The following FAF1 variants were observed in gnomAD, a reference collection of about 807,000 sequenced individuals.
FAF1 encodes the protein Fas associated factor 1.
FAF1 carries 25 observed loss-of-function variants against 92.5 expected under a neutral mutation model. The ratio of observed to expected loss-of-function variants is 0.27; its 90% CI spans 0.20 to 0.38. The LOEUF is 0.38. Among genes scored for constraint, FAF1 ranks in the 10% least tolerant of loss-of-function variants. The pLI is 1.00. For missense variants in FAF1, 636 were observed against 793.3 expected, an observed-to-expected ratio of 0.80 and a Z score of 2.38; for synonymous variants, 234 against 273.2, an observed-to-expected ratio of 0.86 and a Z score of 1.42.
chr1:50,480,513 G>A (rs1646688211), intron 17 of FAF1, among the ~76,000 whole-genome samples: 1 of 152,156 alleles, frequency 6.6e-6, no homozygotes, highest in Admixed American at 6.5e-5. Context: ...TCTTCTATGA[G>A]TCAGGCATTG....
chr1:50,677,887 C>G (rs1656199164), intron 7 of FAF1, among the ~76,000 whole-genome samples: 1 of 136,218 alleles, frequency 7.3e-6, no homozygotes, highest in Non-Finnish European at 1.5e-5. Context: ...AAGAACAAAA[C>G]TCTGCCTCAA....
At chr1:50,558,632 T>C (rs746542694) in intron 13 of FAF1, among the ~76,000 whole-genome samples, 17 of 152,240 alleles carry the variant, frequency 1.1e-4, no homozygotes, top group Non-Finnish European at 1.8e-4. Flanking sequence ...TAGAATGTGA[T>C]AGAAACTTAA....
At chr1:50,680,275 A>G in intron 7 of FAF1, among the ~76,000 whole-genome samples, 1 of 152,210 alleles carries the variant, frequency 6.6e-6, no homozygotes, top group South Asian at 2.1e-4. Context: ...GCTATACCTT[A>G]AATAAGGTAC....
chr1:50,683,605 T>C (rs1233045704), intron 7 of FAF1, among the ~76,000 whole-genome samples: 9 of 151,850 alleles, frequency 5.9e-5, no homozygotes, highest in Non-Finnish European at 5.9e-5. Flanking sequence ...GGAACCTTAA[T>C]AGAAAATACA....
At chr1:50,884,654 T>C (rs1297712895) in intron 1 of FAF1, among the ~76,000 whole-genome samples, 1 of 152,194 alleles carries the variant, frequency 6.6e-6, no homozygotes. Context: ...TGTTGAATTT[T>C]GTTTGCTAGT....
In FAF1 at chr1:50,662,852, T is replaced by C. The variant is rs916147179; in HGVS notation, c.658-7324A>G. ...AGTAGCTGGGACTGCAGGCACCCACTAGCGCGCCCGGCTAATTTTTTGTAT... is the reference window on the plus strand; with the variant it reads ...AGTAGCTGGGACTGCAGGCACCCACCAGCGCGCCCGGCTAATTTTTTGTAT... On this transcript the variant is annotated intron_variant, in intron 7 of 18. Transcript: ENST00000396153. 1.1e-4 allele frequency among the ~76,000 whole-genome samples: 16 copies of C among 148,514 alleles called. 1 individual carries two copies. In the South Asian group the frequency reaches 1.5e-3, roughly 14 times the overall value.
intron 1 of FAF1, among the ~76,000 whole-genome samples, chr1:50,934,623 C>T (rs1645072613): frequency 6.6e-6 from 1 of 152,120 alleles, no homozygotes; most frequent in African/African-American, 2.4e-5. Flanking sequence ...ACACAAGAGG[C>T]TGAGACAGAA....
intron 15 of FAF1, among the ~76,000 whole-genome samples, chr1:50,516,090 G>A (rs1647216010): frequency 6.6e-6 from 1 of 152,114 alleles, no homozygotes; most frequent in African/African-American, 2.4e-5. Context: ...AAGTACGTGA[G>A]GCACAGAAAG....
At chr1:50,943,552 G>A (rs1645150652) in intron 1 of FAF1, among the ~76,000 whole-genome samples, 1 of 152,182 alleles carries the variant, frequency 6.6e-6, no homozygotes, top group Non-Finnish European at 1.5e-5. Context: ...GGGCCAAGGT[G>A]TTGTCATTGG....
intron 4 of FAF1, among the ~76,000 whole-genome samples, chr1:50,764,091 T>C (rs1297369239): frequency 6.6e-6 from 1 of 152,214 alleles, no homozygotes; most frequent in African/African-American, 2.4e-5. Context: ...CCTAAGAGAA[T>C]ACCACTTTCT....
At chr1:50,949,214 G>A (rs1645195315) in intron 1 of FAF1, among the ~76,000 whole-genome samples, 1 of 152,236 alleles carries the variant, frequency 6.6e-6, no homozygotes, top group African/African-American at 2.4e-5. Context: ...GACCCACTGA[G>A]TCAGAAACTC....
At chr1:50,816,659 T>C (rs1273357958) in intron 2 of FAF1, among the ~76,000 whole-genome samples, 1 of 152,234 alleles carries the variant, frequency 6.6e-6, no homozygotes, top group Non-Finnish European at 1.5e-5. Context: ...GATAGCTTCT[T>C]TTGCTCGGCA....
At chr1:50,830,265 G>A (rs764371836) in intron 2 of FAF1, among the ~76,000 whole-genome samples, 22 of 152,210 alleles carry the variant, frequency 1.4e-4, no homozygotes, top group Admixed American at 9.2e-4. Context: ...CTACAGGCAC[G>A]TGCCACCATG....
chr1:50,607,480 A>G (rs1322392449), intron 8 of FAF1, among the ~76,000 whole-genome samples: 1 of 151,908 alleles, frequency 6.6e-6, no homozygotes, highest in Non-Finnish European at 1.5e-5. Flanking sequence ...ATTACCTCCC[A>G]CTATTTTTGT....
chr1:50,561,941 C>G (rs1649934366), intron 13 of FAF1, among the ~76,000 whole-genome samples: 1 of 152,124 alleles, frequency 6.6e-6, no homozygotes, highest in African/African-American at 2.4e-5. Flanking sequence ...CCTCAGGGAG[C>G]TGACAACCTA....
chr1:50,913,750 T>C (rs755014087), intron 1 of FAF1, among the ~76,000 whole-genome samples: 1 of 152,184 alleles, frequency 6.6e-6, no homozygotes, highest in Non-Finnish European at 1.5e-5. Context: ...ATCGTAAAGA[T>C]ACTAAAAAAT....
chr1:50,673,879 A>C (rs896760203), intron 7 of FAF1, among the ~76,000 whole-genome samples: 2 of 152,210 alleles, frequency 1.3e-5, no homozygotes, highest in East Asian at 3.8e-4. Context: ...CTCTTTAAAA[A>C]ATAAACTGAG....
chr1:50,564,295 T>TTTTTTTTTTTTTTTTTTTTTTTGAGACGG (rs1266408950), intron 13 of FAF1, among the ~76,000 whole-genome samples: 1 of 152,066 alleles, frequency 6.6e-6, no homozygotes, highest in Non-Finnish European at 1.5e-5. Flanking sequence ...TCTAAATTTT[T>TTTTTTTTTTTTTTTTTTTTTTTGAGACGG]ATGGCCTGTC....
chr1:50,522,323 A>T (rs991545048), intron 15 of FAF1, among the ~76,000 whole-genome samples: 1 of 152,158 alleles, frequency 6.6e-6, no homozygotes, highest in African/African-American at 2.4e-5. Flanking sequence ...GCCTTTACAC[A>T]GTTGTATTAC....
Sources: gnomAD v4.1 joint callset for allele counts (sites outside exome capture counted in the v4.1 genomes callset) on GRCh38, gnomAD v4.1.1 for gene constraint, MANE v1.5 for transcripts, NCBI Gene and HGNC (gene_info 2026-07-23, HGNC 2026-07-21) for gene names.